Variants in FARS2 observed in about 807,000 individuals in gnomAD.
FARS2 encodes phenylalanyl-tRNA synthetase 2, mitochondrial.
FARS2 carries 40 observed loss-of-function variants against 46.4 expected under a neutral mutation model. That is an observed-to-expected ratio of 0.86 (90% CI 0.67 to 1.12). The LOEUF (loss-of-function observed/expected upper bound fraction) is 1.12. Among genes scored for constraint, FARS2 ranks in the 50% most tolerant of loss-of-function variants. The pLI is 0.00. For synonymous variants in FARS2, 234 were observed against 214.9 expected, an observed-to-expected ratio of 1.09 and a Z score of -0.78; for missense variants, 513 against 567.9, an observed-to-expected ratio of 0.90 and a Z score of 0.98.
chr6:5,570,364 T>C (rs757307530), intron 5 of FARS2, among the ~76,000 whole-genome samples: 14 of 152,244 alleles, frequency 9.2e-5, no homozygotes, highest in Non-Finnish European at 1.3e-4. Context: ...TTGAGTATTA[T>C]GGTGTGCACT....
At chr6:5,260,767 C>T (rs983271248), upstream of FARS2, 11 of 1,538,310 alleles carry the variant, frequency 7.2e-6, no homozygotes, top group Non-Finnish European at 8.7e-6. Context: ...GGGTCCTCTT[C>T]GCCGAGGTCC....
chr6:5,664,790 G>A (rs1778025489), intron 6 of FARS2, among the ~76,000 whole-genome samples: 1 of 152,072 alleles, frequency 6.6e-6, no homozygotes, highest in African/African-American at 2.4e-5. Flanking sequence ...AGATTCCTAT[G>A]GGTCTATCAT....
intron 6 of FARS2, among the ~76,000 whole-genome samples, chr6:5,669,135 C>T (rs926545729): frequency 2.6e-5 from 4 of 152,178 alleles, no homozygotes; most frequent in African/African-American, 4.8e-5. Context: ...AAAAAACAAA[C>T]AGATGTTAAT....
At chr6:5,374,067 A>G (rs138081594) in intron 2 of FARS2, among the ~76,000 whole-genome samples, 133 of 152,188 alleles carry the variant, frequency 8.7e-4, no homozygotes, top group African/African-American at 3.0e-3. Flanking sequence ...ACATATTGAA[A>G]TACCTAAGGG....
intron 6 of FARS2, among the ~76,000 whole-genome samples, chr6:5,721,933 C>T (rs190369461): frequency 3.3e-5 from 5 of 152,292 alleles, no homozygotes; most frequent in African/African-American, 9.6e-5. Flanking sequence ...GCGTGTACCA[C>T]GGGTTCTCTG....
intron 6 of FARS2, among the ~76,000 whole-genome samples, chr6:5,664,588 C>G (rs1037771165): frequency 7.9e-5 from 12 of 152,216 alleles, no homozygotes; most frequent in African/African-American, 2.7e-4. Context: ...CTCAAAAGCA[C>G]AAAATATCCT....
At chr6:5,276,465 A>G (rs1050030546) in intron 1 of FARS2, among the ~76,000 whole-genome samples, 3 of 152,234 alleles carry the variant, frequency 2.0e-5, no homozygotes, top group Non-Finnish European at 4.4e-5. Flanking sequence ...AGGCATAAAC[A>G]TGAACTGTCT....
chr6:5,760,335 T>G (rs1480905530), intron 6 of FARS2, among the ~76,000 whole-genome samples: 2 of 152,190 alleles, frequency 1.3e-5, no homozygotes, highest in African/African-American at 2.4e-5. Flanking sequence ...ATGGGTGACA[T>G]GGTAATCTCA....
intron 5 of FARS2, chr6:5,609,552 T>C (rs1189600064): frequency 1.1e-5 from 14 of 1,290,636 alleles, no homozygotes; most frequent in Non-Finnish European, 1.3e-5. Context: ...AAAGTTGTCA[T>C]TCCCACTGAA....
At chr6:5,397,761 G>A (rs771059638) in intron 2 of FARS2, among the ~76,000 whole-genome samples, 8 of 151,942 alleles carry the variant, frequency 5.3e-5, no homozygotes, top group African/African-American at 9.7e-5. Context: ...TATTTTTCAC[G>A]TGTCCATCTC....
chr6:5,582,040 G>C (rs1026127035), intron 5 of FARS2, among the ~76,000 whole-genome samples: 1 of 103,280 alleles, frequency 9.7e-6, no homozygotes, highest in African/African-American at 3.9e-5. Context: ...CATACTTCCG[G>C]TTAATTCCTG....
intron 4 of FARS2, among the ~76,000 whole-genome samples, chr6:5,460,970 G>T (rs1303268397): frequency 6.6e-6 from 1 of 151,978 alleles, no homozygotes; most frequent in Admixed American, 6.5e-5. Flanking sequence ...CCAGGGCTGT[G>T]TGTGTGTGTG....
rs546460170 is a variant in FARS2 at position 5,660,886 on chromosome 6, T to A, written c.1217+47566T>A. On this transcript the variant is annotated intron_variant, in intron 6 of 6. Transcript: ENST00000274680. ...AGACCACACTGGGCCTCTTTGACCATGTAGGGATCTCTCACTTTACCAAGA... is the reference window on the plus strand; with the variant it reads ...AGACCACACTGGGCCTCTTTGACCAAGTAGGGATCTCTCACTTTACCAAGA... 2.0e-5 allele frequency among the ~76,000 whole-genome samples: 3 copies of A among 152,288 alleles called. No homozygotes were observed. In the East Asian group the frequency reaches 5.8e-4, roughly 29 times the overall value.
intron 2 of FARS2, among the ~76,000 whole-genome samples, chr6:5,386,863 A>G (rs776514224): frequency 6.6e-6 from 1 of 152,098 alleles, no homozygotes; most frequent in Non-Finnish European, 1.5e-5. Context: ...TGGGCCTGGC[A>G]CAGTCGCCTG....
intron 1 of FARS2, among the ~76,000 whole-genome samples, chr6:5,341,222 T>TAG (rs1771592325): frequency 2.8e-4 from 2 of 7,264 alleles, no homozygotes; most frequent in African/African-American, 4.6e-4. Context: ...TATATATATA[T>TAG]ATATATATAT....
rs543718957 is a variant in FARS2, at chr6:5,410,354, G to A, written c.772+5653G>A. Among the ~76,000 whole-genome samples, 56 of 151,618 alleles carry A rather than the reference G, an allele frequency of 3.7e-4. No homozygotes were observed. In the Middle Eastern group the frequency reaches 0.01, roughly 28 times the overall value. On this transcript the variant is annotated intron_variant, in intron 3 of 6. Coordinates refer to ENST00000274680, the MANE Select transcript of FARS2 (RefSeq NM_006567.5). ...ATTTTGTATTTTTAGTAGAGACGGGGTTTCACCATGTTGTCCACACTGGTC... is the reference window on the plus strand; with the variant it reads ...ATTTTGTATTTTTAGTAGAGACGGGATTTCACCATGTTGTCCACACTGGTC...
At chr6:5,257,136 G>C (rs992828043), upstream of FARS2, among the ~76,000 whole-genome samples, 1 of 152,072 alleles carries the variant, frequency 6.6e-6, no homozygotes, top group African/African-American at 2.4e-5. Context: ...ATGCAAATCT[G>C]GTCATGTCAG....
intron 4 of FARS2, chr6:5,452,533 A>G (rs1029566499): frequency 2.0e-5 from 3 of 152,262 alleles, no homozygotes; most frequent in African/African-American, 7.2e-5. Context: ...AAACCATGCC[A>G]TGGTTTGCAC....
chr6:5,638,205 A>G (rs1205291383), intron 6 of FARS2, among the ~76,000 whole-genome samples: 1 of 152,218 alleles, frequency 6.6e-6, no homozygotes, highest in African/African-American at 2.4e-5. Context: ...CTAAGTTACA[A>G]TGAAAAGAGC....
Sources: allele counts gnomAD v4.1 joint callset (sites outside exome capture counted in the v4.1 genomes callset), GRCh38; gene constraint gnomAD v4.1.1; transcripts MANE v1.5; gene names NCBI Gene and HGNC (gene_info 2026-07-23, HGNC 2026-07-21).